The following NPAS3 variants were observed in gnomAD, a reference collection of about 807,000 sequenced individuals.
The protein encoded by NPAS3 is neuronal PAS domain protein 3, also known as neuronal PAS domain-containing protein 3.
A neutral mutation model predicts 73.1 loss-of-function variants in NPAS3; 14 were observed. The ratio of observed to expected loss-of-function variants is 0.19; its 90% CI spans 0.13 to 0.30. NPAS3 has a LOEUF of 0.30. Among genes scored for constraint, NPAS3 ranks in the 10% least tolerant of loss-of-function variants. The probability of loss-of-function intolerance (pLI) is 1.00; values close to 1 mark genes in which losing one functional copy is unlikely to be tolerated. For missense variants in NPAS3, 1,096 were observed against 1,250.0 expected (o/e 0.88, Z 1.86); for synonymous variants, 620 against 541.5 (o/e 1.14, Z -2.01).
intron 2 of NPAS3, among the ~76,000 whole-genome samples, chr14:33,063,859 A>G (rs1331226320): frequency 5.3e-5 from 8 of 152,240 alleles, no homozygotes; most frequent in African/African-American, 4.8e-5. Context: ...CTAACTTACT[A>G]TAGAACTGTT....
At chr14:33,422,345 A>G (rs981488964) in intron 4 of NPAS3, among the ~76,000 whole-genome samples, 3 of 151,984 alleles carry the variant, frequency 2.0e-5, no homozygotes, top group Non-Finnish European at 4.4e-5. Flanking sequence ...CATTAAATAA[A>G]AGATAGATTT....
chr14:33,560,414 A>C (rs149328562), intron 5 of NPAS3: 12 of 439,320 alleles, frequency 2.7e-5, no homozygotes, highest in African/African-American at 2.0e-4. Context: ...CAAAAACTTT[A>C]GTTCCGCTCC....
intron 3 of NPAS3, among the ~76,000 whole-genome samples, chr14:33,353,890 C>G (rs1323342938): frequency 6.6e-6 from 1 of 152,054 alleles, no homozygotes; most frequent in Non-Finnish European, 1.5e-5. Flanking sequence ...CTATCCGATT[C>G]TAGTTCTGGA....
At chr14:33,449,096 G>A (rs1267442130) in intron 4 of NPAS3, among the ~76,000 whole-genome samples, 4 of 152,198 alleles carry the variant, frequency 2.6e-5, no homozygotes, top group African/African-American at 9.7e-5. Flanking sequence ...CCTCAAGGGA[G>A]CAGGTAGAGG....
chr14:33,424,287 C>T (rs1278101679), intron 4 of NPAS3, among the ~76,000 whole-genome samples: 2 of 151,956 alleles, frequency 1.3e-5, no homozygotes, highest in Non-Finnish European at 2.9e-5. Flanking sequence ...TAAAAGAAGG[C>T]TAAAGTGGCT....
chr14:33,084,287 G>A (rs539049292), intron 2 of NPAS3, among the ~76,000 whole-genome samples: 1 of 152,136 alleles, frequency 6.6e-6, no homozygotes, highest in Non-Finnish European at 1.5e-5. Flanking sequence ...GATAATCTCA[G>A]CATTTTGTCC....
Position 33,728,803 on chromosome 14 carries a change from G to A in NPAS3, c.734-6411G>A, listed in dbSNP as rs573582353. On this transcript the variant is annotated intron_variant, in intron 6 of 11. Coordinates refer to ENST00000356141, the Ensembl canonical transcript of NPAS3. ...CCCCCTTTAACTACCAAACCCACTG[G>A]CCTAGAACTCTCAAAAGAACACTTT... 7.9e-5 allele frequency among the ~76,000 whole-genome samples: 12 copies of A among 152,276 alleles called. No homozygotes were observed. The South Asian group carries it at 2.3e-3, about 29-fold the overall frequency.
rs10130282 is a variant in NPAS3 at position 33,548,051 on chromosome 14, C to T, written c.469-12070C>T. Among the ~76,000 whole-genome samples, 1,161 of 152,256 alleles carry T rather than the reference C, an allele frequency of 7.6e-3. 17 individuals carry two copies. Among genetic ancestry groups the T allele is most frequent in the African/African-American group, 0.026 (1,092 of 41,540 alleles). On this transcript the variant is annotated intron_variant, in intron 4 of 11. Coordinates refer to ENST00000356141, the Ensembl canonical transcript of NPAS3. ...CTCTTAAAAGAAATCAGGCGGAGGG[C>T]CAAGTGAAAAAATAATACTTGGAAA...
chr14:33,538,071 T>G (rs2054335733), intron 4 of NPAS3, among the ~76,000 whole-genome samples: 1 of 152,222 alleles, frequency 6.6e-6, no homozygotes, highest in Admixed American at 6.5e-5. Flanking sequence ...GGAACACGAA[T>G]TAATGAATAT....
At chr14:33,358,351 C>T (rs1466068252) in intron 3 of NPAS3, among the ~76,000 whole-genome samples, 2 of 152,154 alleles carry the variant, frequency 1.3e-5, no homozygotes, top group Non-Finnish European at 2.9e-5. Flanking sequence ...CCCAAGAAGG[C>T]ACTGTAGGTG....
intron 4 of NPAS3, among the ~76,000 whole-genome samples, chr14:33,373,698 T>C (rs1350861030): frequency 6.6e-6 from 1 of 152,148 alleles, no homozygotes; most frequent in East Asian, 1.9e-4. Context: ...TGCTTGGCCA[T>C]ATTAGGTAAA....
At chr14:33,131,669 G>A (rs1454737710) in intron 2 of NPAS3, among the ~76,000 whole-genome samples, 3 of 152,114 alleles carry the variant, frequency 2.0e-5, no homozygotes, top group Admixed American at 6.6e-5. Flanking sequence ...CCTGCTGCTC[G>A]TATGTGTGCA....
At chr14:33,522,742 T>A (rs2053612683) in intron 4 of NPAS3, among the ~76,000 whole-genome samples, 1 of 152,162 alleles carries the variant, frequency 6.6e-6, no homozygotes, top group Non-Finnish European at 1.5e-5. Context: ...TTTGGTTATA[T>A]GTATTACCAC....
At chr14:33,656,089 A>AGT (rs1459267635) in intron 5 of NPAS3, among the ~76,000 whole-genome samples, 1 of 152,128 alleles carries the variant, frequency 6.6e-6, no homozygotes, top group Non-Finnish European at 1.5e-5. Context: ...AAATAAGTTT[A>AGT]GTATCGAATT....
intron 4 of NPAS3, among the ~76,000 whole-genome samples, chr14:33,427,991 G>A (rs1423501575): frequency 1.3e-5 from 2 of 152,016 alleles, no homozygotes; most frequent in African/African-American, 4.8e-5. Flanking sequence ...GGCAGTTTGG[G>A]TGTTTTGTTA....
intron 3 of NPAS3, among the ~76,000 whole-genome samples, chr14:33,237,158 C>G (rs907030320): frequency 1.3e-5 from 2 of 152,062 alleles, no homozygotes; most frequent in Non-Finnish European, 2.9e-5. Flanking sequence ...TTCATTGAAT[C>G]TTTACTATAG....
At chr14:33,107,436 T>A (rs1341280319) in intron 2 of NPAS3, among the ~76,000 whole-genome samples, 2 of 151,818 alleles carry the variant, frequency 1.3e-5, no homozygotes, top group Non-Finnish European at 2.9e-5. Context: ...GTTCCCAGTG[T>A]CTGTTGTTCC....
intron 3 of NPAS3, among the ~76,000 whole-genome samples, chr14:33,325,264 G>A (rs983206702): frequency 2.0e-4 from 30 of 152,060 alleles, no homozygotes; most frequent in Admixed American, 1.4e-3. Flanking sequence ...AAAGAATCAC[G>A]TCATGGAAAA....
At chr14:33,724,685 T>C (rs112348317) in intron 6 of NPAS3, among the ~76,000 whole-genome samples, 2,253 of 152,124 alleles carry the variant, frequency 0.015, 57 homozygotes, top group African/African-American at 0.05. Flanking sequence ...TTTACACATT[T>C]CTTATCACAG....
Sources: allele counts gnomAD v4.1 joint callset (sites outside exome capture counted in the v4.1 genomes callset), GRCh38; gene constraint gnomAD v4.1.1; transcripts MANE v1.5; gene names NCBI Gene and HGNC (gene_info 2026-07-23, HGNC 2026-07-21).